Variants in C2 observed in about 807,000 individuals in gnomAD.
The protein encoded by C2 is C3/C5 convertase.
In C2, 64 loss-of-function variants were observed where a neutral mutation model predicts 85.2. The ratio of observed to expected loss-of-function variants is 0.75; its 90% CI spans 0.61 to 0.92. The LOEUF (loss-of-function observed/expected upper bound fraction) is 0.92. Among genes scored for constraint, C2 ranks in the 40% least tolerant of loss-of-function variants. The pLI is 0.00. For synonymous variants in C2, 311 were observed against 370.8 expected, an observed-to-expected ratio of 0.84 and a Z score of 1.85; for missense variants, 820 against 971.6, an observed-to-expected ratio of 0.84 and a Z score of 2.07.
chr6:31,897,839 C>G, upstream of C2: 2 of 1,045,194 alleles, frequency 1.9e-6, no homozygotes, highest in Non-Finnish European at 2.3e-6. Flanking sequence ...AAGCTGGGAG[C>G]TGCAAGGGAG....
Position 31,943,906 on chromosome 6 carries a change from C to T in C2, c.1734-11C>T, listed in dbSNP as rs539090207. ...GGGACAGGCTGGTGTGACCCTTGCT[C>T]TTCTCCCCAGGCCCATCTGCCTTCC... On this transcript the variant is annotated splice_polypyrimidine_tract_variant and intron_variant, in intron 13 of 17. Coordinates refer to ENST00000299367, the MANE Select transcript of C2 (RefSeq NM_000063.6). The surrounding 1 kb of genome is among the most constrained non-coding windows in gnomAD (Gnocchi z 6.4). 1 of 1,612,802 alleles carries T rather than the reference C, an allele frequency of 6.2e-7. No individual in the cohort carries two copies. The highest frequency in any genetic ancestry group is 8.5e-7 in the Non-Finnish European group (1 of 1,179,966).
rs1398607252 is a variant in C2, at chr6:31,922,262, A to C, written c.-100+2236A>C. On this transcript the variant is annotated intron_variant, in intron 1 of 3. Transcript: ENST00000413154. The surrounding 1 kb of genome is among the most constrained non-coding windows in gnomAD (Gnocchi z 4.8). ...AGAGCAATGCTGAATCCCCATCTAA[A>C]GTCACACATTAAGGCTGTGAACCAG... Among the ~76,000 whole-genome samples the C allele has an allele frequency of 6.6e-6, 1 of 152,096 alleles. No individual in the cohort carries two copies.
At chr6:31,931,558 T>C (rs534221282) in intron 3 of C2, among the ~76,000 whole-genome samples, 2 of 151,852 alleles carry the variant, frequency 1.3e-5, no homozygotes, top group Non-Finnish European at 2.9e-5. Flanking sequence ...CAGCACATGT[T>C]TCAGAGAGCA....
intron 1 of C2, among the ~76,000 whole-genome samples, chr6:31,902,352 T>G (rs368261075): frequency 2.0e-5 from 3 of 151,576 alleles, no homozygotes; most frequent in Non-Finnish European, 2.9e-5. Flanking sequence ...CGGCTGCCCA[T>G]GGCGCTACTC....
chr6:31,937,175 C>T, intron 7 of C2, 144 bp from the exon 8 acceptor site: 1 of 785,064 alleles, frequency 1.3e-6, no homozygotes, highest in South Asian at 1.6e-5. Context: ...CGCCACTATA[C>T]TCTAGCCTGG....
Position 31,944,159 on chromosome 6 carries a change from G to A in C2, c.1835G>A (p.Ser612Asn), listed in dbSNP as rs573509224. 253 of 1,612,764 alleles carry A rather than the reference G, an allele frequency of 1.6e-4. 3 individuals carry two copies. The South Asian group carries it at 2.7e-3, about 17-fold the overall frequency. ...GAGAATGAACTGCTGAACAAACAGAGTGTTCCTGCTCATTTTGTCGCCTTG... is the reference window on the plus strand; with the variant it reads ...GAGAATGAACTGCTGAACAAACAGAATGTTCCTGCTCATTTTGTCGCCTTG... The part of the protein sequence containing the change: ...DHENELLNKQ[S>N]VPAHFVALNG... Residue 612 changes from serine to asparagine, a missense_variant, in exon 15 of 18, where the codon AGT (serine) becomes AAT (asparagine). Transcript: ENST00000299367. This position sits in a 1 kb window ranked among gnomAD's most constrained non-coding sequence, Gnocchi z 5.1.
chr6:31,901,226 C>G, intron 1 of C2: 1 of 1,613,430 alleles, frequency 6.2e-7, no homozygotes. Flanking sequence ...CTCCTCTGCC[C>G]GGAGCTGGTT....
intron 9 of C2, among the ~76,000 whole-genome samples, chr6:31,941,901 A>G (rs911613257): frequency 2.9e-5 from 4 of 137,918 alleles, no homozygotes; most frequent in African/African-American, 8.4e-5. Flanking sequence ...TCACTGCAAC[A>G]TCCGCCTCCC....
upstream of C2, chr6:31,899,844 A>AC (rs1767061248): frequency 1.6e-6 from 1 of 620,848 alleles, no homozygotes; most frequent in East Asian, 3.8e-5. Flanking sequence ...CAGACCCCCC[A>AC]CCCCCCAATT....
chr6:31,899,895 C>A, upstream of C2: 2 of 1,536,942 alleles, frequency 1.3e-6, no homozygotes, highest in Non-Finnish European at 1.7e-6. Context: ...AGCCCAGGGG[C>A]CCCAGCCTCC....
chr6:31,907,568 G>A (rs1479269436), intron 1 of C2, among the ~76,000 whole-genome samples: 1 of 133,294 alleles, frequency 7.5e-6, no homozygotes, highest in Non-Finnish European at 1.6e-5. Context: ...GGGTGATGGC[G>A]CAAGACCCTG....
At position 31,933,686 on chromosome 6, in the gene C2, C is replaced by G; in HGVS notation, c.519C>G (p.Val173=). ...TGFRFGHGDK[V]RYRCSSNLVL... Reference sequence around the variant, plus strand: ...TCCGCTTTGGTCATGGGGACAAGGTCCGCTATCGCTGCTCCTCGAATCTTG... The same window carrying G: ...TCCGCTTTGGTCATGGGGACAAGGTGCGCTATCGCTGCTCCTCGAATCTTG... Residue 173 remains valine, a synonymous_variant, in exon 4 of 18, where the codon GTC becomes GTG. Transcript: ENST00000299367. 6.2e-7 allele frequency: 1 copy of G among 1,613,186 alleles called. No homozygotes were observed. Among genetic ancestry groups the G allele is most frequent in the Non-Finnish European group, 8.5e-7 (1 of 1,180,048 alleles).
chr6:31,938,935 G>A (rs1770658674), intron 8 of C2, among the ~76,000 whole-genome samples: 1 of 152,070 alleles, frequency 6.6e-6, no homozygotes, highest in Admixed American at 6.6e-5. Flanking sequence ...TTACAGGCAT[G>A]AGCCACCATG....
chr6:31,905,030 C>T (rs1171289135), intron 1 of C2, among the ~76,000 whole-genome samples: 1 of 152,072 alleles, frequency 6.6e-6, no homozygotes, highest in Non-Finnish European at 1.5e-5. Flanking sequence ...GATCCTTGTC[C>T]CTTCTTCCCC....
At chr6:31,927,696 A>G, upstream of C2, 1 of 1,612,816 alleles carries the variant, frequency 6.2e-7, no homozygotes, top group Non-Finnish European at 8.5e-7. This position sits in a 1 kb window ranked among gnomAD's most constrained non-coding sequence, Gnocchi z 4.7. Context: ...TCGGGAAGTC[A>G]GATGACCTTT....
chr6:31,945,206 A>G lies in C2; in HGVS notation c.2108A>G (p.Asn703Ser), dbSNP rs1189767593. 3 of 1,612,118 alleles carry G rather than the reference A, an allele frequency of 1.9e-6. No homozygotes were observed. Among genetic ancestry groups the G allele is most frequent in the Non-Finnish European group, 1.7e-6 (2 of 1,179,780 alleles). Residue 703 changes from asparagine to serine, a missense_variant, in exon 18 of 18, where the codon AAC (asparagine) becomes AGC (serine). Asn to Ser is a conservative substitution (Grantham distance 46). Transcript: ENST00000299367. The surrounding 1 kb of genome is among the most constrained non-coding windows in gnomAD (Gnocchi z 5.3). ...QVGLVSWGLY[N>S]PCLGSADKNS... is the part of the protein sequence containing the mutation. ...GGTCTGGTGAGCTGGGGTCTTTACAACCCCTGCCTTGGCTCTGCTGACAAA... is the reference window on the plus strand; with the variant it reads ...GGTCTGGTGAGCTGGGGTCTTTACAGCCCCTGCCTTGGCTCTGCTGACAAA...
At chr6:31,897,929 C>T, upstream of C2, 5 of 1,055,076 alleles carry the variant, frequency 4.7e-6, no homozygotes, top group Non-Finnish European at 5.7e-6. Flanking sequence ...GTCTCTGTCC[C>T]CATCTGGTTT....
chr6:31,943,504 A>C lies in C2; in HGVS notation c.1544A>C (p.His515Pro). 1 of 1,612,814 alleles carries C rather than the reference A, an allele frequency of 6.2e-7. No individual in the cohort carries two copies. Among genetic ancestry groups the C allele is most frequent in the Non-Finnish European group, 8.5e-7 (1 of 1,179,922 alleles). Residue 515 changes from histidine (H) to proline (P), a missense_variant, in exon 12 of 18, where the codon CAC (histidine) becomes CCC (proline). By Grantham distance (77) the His-to-Pro change is moderately conservative. Transcript: ENST00000299367. This position sits in a 1 kb window ranked among gnomAD's most constrained non-coding sequence, Gnocchi z 6.4. ...CATTGCTTCCGCGATGGCAACGACC[A>C]CTCCCTGTGGAGGGTCAATGTGGGT... ...AAHCFRDGND[H>P]SLWRVNVGDP...
chr6:31,943,719 C>A lies in C2; in HGVS notation c.1643C>A (p.Ala548Asp). 1 of 1,612,966 alleles carries A rather than the reference C, an allele frequency of 6.2e-7. No individual in the cohort carries two copies. The highest frequency in any genetic ancestry group is 2.2e-5 in the East Asian group (1 of 44,880). ...ATCTCCCCAGGGTTTGATGTCTTTG[C>A]CAAAAAGAACCAGGGAATCCTGGAG... ...AVISPGFDVF[A>D]KKNQGILEFY... The change falls in exon 13 of 18, where the codon GCC (alanine) becomes GAC (aspartate). Residue 548 changes from alanine (A) to aspartate (D), a missense_variant. Ala to Asp is a moderately radical substitution (Grantham distance 126). Transcript: ENST00000299367. The surrounding 1 kb of genome is among the most constrained non-coding windows in gnomAD (Gnocchi z 6.4).
Sources: gnomAD v4.1 joint callset for allele counts (sites outside exome capture counted in the v4.1 genomes callset) on GRCh38, gnomAD v4.1.1 for gene constraint, Gnocchi (gnomAD v3.1) non-coding constraint, MANE v1.5 for transcripts, NCBI Gene and HGNC (gene_info 2026-07-23, HGNC 2026-07-21) for gene names.